The following GABRB1 variants were observed in gnomAD, a reference collection of about 807,000 sequenced individuals.
The protein encoded by GABRB1 is gamma-aminobutyric acid receptor subunit beta-1.
A neutral mutation model predicts 51.6 loss-of-function variants in GABRB1; 17 were observed. The ratio of observed to expected loss-of-function variants is 0.33; its 90% CI spans 0.23 to 0.49. The LOEUF is 0.49. Among genes scored for constraint, GABRB1 ranks in the 20% least tolerant of loss-of-function variants. The probability of loss-of-function intolerance (pLI) is 0.99; values close to 1 mark genes in which losing one functional copy is unlikely to be tolerated. For missense variants in GABRB1, 410 were observed against 600.6 expected (o/e 0.68, Z 3.32); for synonymous variants, 247 against 218.9 (o/e 1.13, Z -1.14).
chr4:47,241,031 A>C (rs1721499643), intron 4 of GABRB1, among the ~76,000 whole-genome samples: 1 of 152,194 alleles, frequency 6.6e-6, no homozygotes, highest in Admixed American at 6.6e-5. Flanking sequence ...AAAATAATGA[A>C]TCAGCATTCC....
intron 3 of GABRB1, among the ~76,000 whole-genome samples, chr4:47,069,761 T>C (rs890767048): frequency 6.6e-6 from 1 of 152,166 alleles, no homozygotes. Flanking sequence ...TTTGCCATGG[T>C]GCATTTTTAT....
At chr4:47,297,460 T>C (rs532474930) in intron 4 of GABRB1, among the ~76,000 whole-genome samples, 16 of 151,678 alleles carry the variant, frequency 1.1e-4, no homozygotes, top group African/African-American at 3.6e-4. Context: ...CAAACTACCA[T>C]CAGAGAATAC....
intron 4 of GABRB1, among the ~76,000 whole-genome samples, chr4:47,289,619 G>C (rs1203014804): frequency 6.6e-6 from 1 of 152,116 alleles, no homozygotes; most frequent in African/African-American, 2.4e-5. Flanking sequence ...GAAGGAGCAT[G>C]GTCTTCCAAT....
At chr4:47,032,536 G>A (rs1300424711) in intron 3 of GABRB1, 52 bp downstream of exon 3, 3 of 1,547,370 alleles carry the variant, frequency 1.9e-6, no homozygotes, top group East Asian at 2.2e-5. Flanking sequence ...GATGGGAAAT[G>A]GACAGGTCCC....
Position 47,267,266 on chromosome 4 carries a change from A to T in GABRB1, c.462-52861A>T, listed in dbSNP as rs563183920. ...AGAGAGATGAGACTTTATACATAAA[A>T]CACAAATGGTATGTTGTTTTTAAAA... On this transcript the variant is annotated intron_variant, in intron 4 of 8. Coordinates refer to ENST00000295454, the MANE Select transcript of GABRB1 (RefSeq NM_000812.4). 2.0e-5 allele frequency among the ~76,000 whole-genome samples: 3 copies of T among 152,264 alleles called. No homozygotes were observed. In the South Asian group the frequency reaches 6.2e-4, roughly 32 times the overall value.
intron 5 of GABRB1, among the ~76,000 whole-genome samples, chr4:47,333,499 G>T (rs1578101465): frequency 6.6e-6 from 1 of 152,224 alleles, no homozygotes; most frequent in Admixed American, 6.5e-5. Flanking sequence ...TGGATCACCT[G>T]AGGTCAGAAG....
At chr4:47,346,472 A>G (rs1726092925) in intron 5 of GABRB1, among the ~76,000 whole-genome samples, 1 of 147,664 alleles carries the variant, frequency 6.8e-6, no homozygotes, top group African/African-American at 2.4e-5. Context: ...AAATTTAAGA[A>G]AAGACATGGC....
chr4:47,181,905 G>A (rs770875286), intron 4 of GABRB1, among the ~76,000 whole-genome samples: 1 of 151,962 alleles, frequency 6.6e-6, no homozygotes, highest in Non-Finnish European at 1.5e-5. Context: ...AACTTCTAGC[G>A]GGGAGTGGCT....
rs1717946623 is a variant in GABRB1, at chr4:47,161,272, C to T, written c.264C>T (p.Phe88=). Reference sequence around the variant, plus strand: ...AGGATTATACACTCACCATGTATTTCCAGCAGTCTTGGAAAGACAAAAGGC... The same window carrying T: ...AGGATTATACACTCACCATGTATTTTCAGCAGTCTTGGAAAGACAAAAGGC... ...VNMDYTLTMY[F]QQSWKDKRLS... Residue 88 remains phenylalanine (F), a synonymous_variant, in exon 4 of 9, where the codon TTC becomes TTT. Coordinates refer to ENST00000295454, the MANE Select transcript of GABRB1 (RefSeq NM_000812.4). 1.2e-6 allele frequency: 2 copies of T among 1,603,536 alleles called. No individual in the cohort carries two copies. Among genetic ancestry groups the T allele is most frequent in the Non-Finnish European group, 1.7e-6 (2 of 1,174,584 alleles).
At chr4:47,297,241 G>A (rs543931640) in intron 4 of GABRB1, among the ~76,000 whole-genome samples, 46 of 145,514 alleles carry the variant, frequency 3.2e-4, no homozygotes, top group Middle Eastern at 3.5e-3. Context: ...CTAGCAGAAG[G>A]CAAGAAATAA....
At chr4:47,249,207 T>A (rs1203225331) in intron 4 of GABRB1, among the ~76,000 whole-genome samples, 2 of 152,098 alleles carry the variant, frequency 1.3e-5, no homozygotes, top group Admixed American at 1.3e-4. Context: ...ATAGATTGTG[T>A]CATTATTGTC....
rs1720491805 is a variant in GABRB1 at position 47,214,834 on chromosome 4, T to C, written c.461+53365T>C. On this transcript the variant is annotated intron_variant, in intron 4 of 8. Coordinates refer to ENST00000295454, the MANE Select transcript of GABRB1 (RefSeq NM_000812.4). ...TAACGAATGTTGTGGCAGATATTGG[T>C]AGAAATCTCCAAATATCTGTCTTCA... Among the ~76,000 whole-genome samples, 3 of 152,242 alleles carry C rather than the reference T, an allele frequency of 2.0e-5. No individual in the cohort carries two copies. In the South Asian group the frequency reaches 6.2e-4, roughly 32 times the overall value.
intron 4 of GABRB1, among the ~76,000 whole-genome samples, chr4:47,288,289 G>C (rs1723591740): frequency 6.6e-6 from 1 of 150,656 alleles, no homozygotes; most frequent in South Asian, 2.1e-4. Context: ...TTAAGATGGA[G>C]TCTCACTCTG....
At chr4:47,220,089 T>A (rs1720712376) in intron 4 of GABRB1, among the ~76,000 whole-genome samples, 1 of 152,050 alleles carries the variant, frequency 6.6e-6, no homozygotes, top group Non-Finnish European at 1.5e-5. Flanking sequence ...ATTTAAACCA[T>A]GCTTTAAAAG....
At chr4:47,162,254 A>AT (rs1560565558) in intron 4 of GABRB1, among the ~76,000 whole-genome samples, 1 of 152,088 alleles carries the variant, frequency 6.6e-6, no homozygotes, top group African/African-American at 2.4e-5. Flanking sequence ...TTCATATACT[A>AT]TAAATCAATT....
intron 4 of GABRB1, among the ~76,000 whole-genome samples, chr4:47,206,441 T>A (rs1009943523): frequency 2.0e-5 from 3 of 152,008 alleles, no homozygotes; most frequent in Admixed American, 6.6e-5. Flanking sequence ...CTTTTGTAAC[T>A]GTGTCTCCGG....
intron 1 of GABRB1, among the ~76,000 whole-genome samples, chr4:47,014,033 T>G (rs970507080): frequency 6.6e-6 from 1 of 152,146 alleles, no homozygotes; most frequent in African/African-American, 2.4e-5. Context: ...TTTATAGGAT[T>G]TTCATTTATC....
intron 3 of GABRB1, among the ~76,000 whole-genome samples, chr4:47,038,188 A>G (rs574997024): frequency 1.3e-5 from 2 of 152,210 alleles, no homozygotes; most frequent in Non-Finnish European, 2.9e-5. Flanking sequence ...TGAGTCAATC[A>G]CAAGAATTTA....
At chr4:47,368,030 A>G (rs1285037622) in intron 5 of GABRB1, among the ~76,000 whole-genome samples, 1 of 152,172 alleles carries the variant, frequency 6.6e-6, no homozygotes, top group African/African-American at 2.4e-5. Flanking sequence ...CTAAAGATGA[A>G]TCATGTTGCT....
Sources: allele counts gnomAD v4.1 joint callset (sites outside exome capture counted in the v4.1 genomes callset), GRCh38; gene constraint gnomAD v4.1.1; transcripts MANE v1.5; gene names NCBI Gene and HGNC (gene_info 2026-07-23, HGNC 2026-07-21).